The following TPP2 variants were observed in gnomAD, a reference collection of about 807,000 sequenced individuals.
TPP2 encodes the protein tripeptidyl peptidase 2, also known as tripeptidyl-peptidase 2.
TPP2 carries 34 observed loss-of-function variants against 155.9 expected under a neutral mutation model. The observed-to-expected ratio is 0.22, with a 90% CI of 0.17 to 0.29. The LOEUF (loss-of-function observed/expected upper bound fraction) is 0.29. TPP2 is among the 10% of genes least tolerant of loss of function. The pLI is 1.00. For synonymous variants in TPP2, 510 were observed against 529.4 expected (o/e 0.96, Z 0.50); for missense variants, 1,028 against 1,522.3 (o/e 0.68, Z 5.40).
intron 6 of TPP2, 92 bp downstream of exon 6, chr13:102,623,132 T>G: frequency 2.2e-6 from 3 of 1,369,616 alleles, no homozygotes; most frequent in Non-Finnish European, 3.0e-6. Flanking sequence ...CTAGAGAATT[T>G]TAAGCTAGAG....
At chr13:102,605,463 C>T (rs1385416184) in intron 2 of TPP2, among the ~76,000 whole-genome samples, 1 of 152,190 alleles carries the variant, frequency 6.6e-6, no homozygotes, top group East Asian at 1.9e-4. Context: ...AGAAATGAAT[C>T]ATTGGAGCTG....
At chr13:102,647,151 T>C (rs1595185581) in intron 20 of TPP2, 56 bp from the exon 21 acceptor site, 2 of 1,501,072 alleles carry the variant, frequency 1.3e-6, no homozygotes, top group East Asian at 4.7e-5. Flanking sequence ...TATTAAAAAT[T>C]TGTATCAGAA....
At chr13:102,663,156 ATTT>A (rs756938703) in intron 25 of TPP2, among the ~76,000 whole-genome samples, 523 of 41,518 alleles carry the variant, frequency 0.013, 3 homozygotes, top group Middle Eastern at 0.034. Context: ...TAATTAATTT[ATTT>A]ATTTTTTGAG....
At chr13:102,624,225 T>G (rs983988077) in intron 6 of TPP2, among the ~76,000 whole-genome samples, 1 of 152,176 alleles carries the variant, frequency 6.6e-6, no homozygotes, top group African/African-American at 2.4e-5. Flanking sequence ...ATGGAAAGAT[T>G]ATGCACACCA....
chr13:102,663,793 A>C (rs1056993278), intron 26 of TPP2, 49 bp downstream of exon 26: 19 of 1,420,824 alleles, frequency 1.3e-5, no homozygotes, highest in Non-Finnish European at 1.6e-5. Flanking sequence ...TAATTATATA[A>C]GTTTGTGTTT....
chr13:102,639,684 A>T (rs1032863432), intron 15 of TPP2, among the ~76,000 whole-genome samples: 10 of 152,192 alleles, frequency 6.6e-5, no homozygotes, highest in Non-Finnish European at 1.2e-4. Flanking sequence ...GTAGGCACTC[A>T]TTTAACCGTT....
Position 102,635,720 on chromosome 13 carries a change from A to G in TPP2, c.1509+18A>G, listed in dbSNP as rs1269519156. The stretch of plus-strand genomic sequence containing the variant: ...TTATTCAGGTATTGTTGCCTATATG[A>G]AAAATGGGTTGTAAAGCATCATTGA... On this transcript the variant is annotated intron_variant, in intron 12 of 29. Coordinates refer to ENST00000376052, the MANE Select transcript of TPP2 (RefSeq NM_001330588.2). The G allele has an allele frequency of 1.3e-6, 2 of 1,566,640 alleles. No individual in the cohort carries two copies. Among genetic ancestry groups the G allele is most frequent in the Admixed American group, 3.4e-5 (2 of 59,576 alleles).
chr13:102,620,196 C>T (rs1881053324), intron 5 of TPP2, among the ~76,000 whole-genome samples: 1 of 152,120 alleles, frequency 6.6e-6, no homozygotes, highest in African/African-American at 2.4e-5. Flanking sequence ...ACAAGATTTC[C>T]TTGGTCTTCA....
intron 21 of TPP2, 41 bp downstream of exon 21, chr13:102,647,385 T>C: frequency 6.3e-7 from 1 of 1,587,006 alleles, no homozygotes; most frequent in Non-Finnish European, 8.6e-7. Context: ...ACGGAAGCTG[T>C]TTCCTGAACT....
chr13:102,609,824 T>G (rs1207360661), intron 2 of TPP2, among the ~76,000 whole-genome samples: 1 of 152,146 alleles, frequency 6.6e-6, no homozygotes, highest in East Asian at 1.9e-4. Flanking sequence ...GGGTTATATT[T>G]CGACATGCGA....
rs747054308 is a variant in TPP2, at chr13:102,647,301, A to G, written c.2585A>G (p.Gln862Arg). The G allele has an allele frequency of 5.0e-6, 8 of 1,613,964 alleles. No individual in the cohort carries two copies. Among genetic ancestry groups the G allele is most frequent in the Non-Finnish European group, 6.8e-6 (8 of 1,179,930 alleles). ...AGCCAACTGTGGATTATTTTTGACC[A>G]GAACAAAAGACAGATGGGTTCAGGC... ...FDSQLWIIFDQNKRQMGSGDA... is the reference protein window; with the variant it reads ...FDSQLWIIFDRNKRQMGSGDA... The change falls in exon 21 of 30, where the codon CAG becomes CGG. Residue 862 changes from glutamine (Q) to arginine (R), a missense_variant. Around this residue, in one of 7 missense-constraint regions of TPP2, gnomAD observed 179 missense variants for 274.7 expected, o/e 0.65. Transcript: ENST00000376052.
chr13:102,628,289 A>G (rs1181055164), intron 8 of TPP2, among the ~76,000 whole-genome samples: 60 of 152,130 alleles, frequency 3.9e-4, no homozygotes, highest in Non-Finnish European at 2.9e-5. Flanking sequence ...GATGCACTGC[A>G]TCCTCACTTC....
chr13:102,674,365 CA>C lies in TPP2; in HGVS notation c.3455del (p.Gln1152ArgfsTer44). The C allele has an allele frequency of 6.2e-7, 1 of 1,613,970 alleles. No homozygotes were observed. The highest frequency in any genetic ancestry group is 8.5e-7 in the Non-Finnish European group (1 of 1,179,866). Reference sequence around the variant, plus strand: ...CCTGGCAGACCATCTTCTTCACACCCAGGCTCAAGACGGAGCCATTTCCACT... The same window carrying C: ...CCTGGCAGACCATCTTCTTCACACCCGGCTCAAGACGGAGCCATTTCCACT... ...CALADHLLHT[Q>X]AQDGAISTDA... On this transcript the variant is annotated frameshift_variant, in exon 28 of 30. Transcript: ENST00000376052. LOFTEE classifies it high-confidence loss of function.
At chr13:102,617,474 G>C (rs978212477) in intron 4 of TPP2, among the ~76,000 whole-genome samples, 8 of 152,150 alleles carry the variant, frequency 5.3e-5, no homozygotes, top group Non-Finnish European at 1.2e-4. Flanking sequence ...ATTAGAAACA[G>C]CATCGATGTT....
At chr13:102,621,861 C>T (rs1479170619) in intron 5 of TPP2, among the ~76,000 whole-genome samples, 1 of 152,188 alleles carries the variant, frequency 6.6e-6, no homozygotes, top group African/African-American at 2.4e-5. Flanking sequence ...AGTGCTACTT[C>T]TGTAGCATGT....
In TPP2 at chr13:102,678,331, CTTT is replaced by C; in HGVS notation, c.*16_*18del. ...GCGTATTCTAAAATAGGAAACAAGA[CTTT>C]AAATTTTAAAAAAGGAAGTTTTATA... On this transcript the variant is annotated 3_prime_UTR_variant, in exon 30 of 30. Transcript: ENST00000376052. 6.3e-7 allele frequency: 1 copy of C among 1,599,500 alleles called. No homozygotes were observed. The highest frequency in any genetic ancestry group is 1.4e-5 in the African/African-American group (1 of 73,850).
At chr13:102,651,619 A>G (rs1028746010) in intron 24 of TPP2, among the ~76,000 whole-genome samples, 5 of 149,142 alleles carry the variant, frequency 3.4e-5, no homozygotes, top group African/African-American at 1.2e-4. Context: ...TGGATGACTC[A>G]TTTTCTCTGT....
intron 20 of TPP2, 78 bp from the exon 21 acceptor site, chr13:102,647,129 T>C (rs1412217331): frequency 2.0e-5 from 29 of 1,437,242 alleles, no homozygotes; most frequent in Non-Finnish European, 2.6e-5. Context: ...AAAAGTCTCA[T>C]GTCAATAACA....
Position 102,637,541 on chromosome 13 carries a change from C to CTTGTTGTTGTTGTTGTTG in TPP2, c.1836+308_1836+325dup, listed in dbSNP as rs11272845. On this transcript the variant is annotated intron_variant, in intron 14 of 29. Transcript: ENST00000376052. ...TGTCAGCTAAACAAAGCTGCAGTTG[C>CTTGTTGTTGTTGTTGTTG]TTGTTGTTGTTGTTGTTGTTGTTTT... 4.3e-3 allele frequency among the ~76,000 whole-genome samples: 652 copies of CTTGTTGTTGTTGTTGTTG among 151,090 alleles called. 5 individuals carry two copies. Among genetic ancestry groups the CTTGTTGTTGTTGTTGTTG allele is most frequent in the Middle Eastern group, 0.024 (7 of 292 alleles).
Sources: allele counts gnomAD v4.1 joint callset (sites outside exome capture counted in the v4.1 genomes callset), GRCh38; gene constraint gnomAD v4.1.1; regional missense constraint gnomAD v4.1.1; transcripts MANE v1.5; gene names NCBI Gene and HGNC (gene_info 2026-07-23, HGNC 2026-07-21).